SHISA9: variants seen among roughly 807,000 people sequenced by gnomAD.
SHISA9 encodes the protein shisa family member 9.
SHISA9 carries 13 observed loss-of-function variants against 38.0 expected under a neutral mutation model. The ratio of observed to expected loss-of-function variants is 0.34; its 90% CI spans 0.22 to 0.54. SHISA9 has a LOEUF of 0.54. SHISA9 is among the 20% of genes least tolerant of loss of function. SHISA9 has a pLI of 0.91. For missense variants in SHISA9, 538 were observed against 575.8 expected, an observed-to-expected ratio of 0.93 and a Z score of 0.67; for synonymous variants, 275 against 242.0, an observed-to-expected ratio of 1.14 and a Z score of -1.27.
At chr16:13,471,252 C>A in the SHISA9 span, among the ~76,000 whole-genome samples, 2 of 152,080 alleles carry the variant, frequency 1.3e-5, no homozygotes, top group African/African-American at 2.4e-5. Context: ...CCACAGCAGT[C>A]CTGAAATATG....
At chr16:13,493,424 G>T in the SHISA9 span, among the ~76,000 whole-genome samples, 3 of 152,182 alleles carry the variant, frequency 2.0e-5, no homozygotes, top group East Asian at 1.9e-4. Context: ...TTCCCGTGAA[G>T]AATTCACTCT....
At chr16:13,252,838 A>G in the SHISA9 span, among the ~76,000 whole-genome samples, 66 of 152,216 alleles carry the variant, frequency 4.3e-4, no homozygotes, top group Admixed American at 9.8e-4. Context: ...TATTTGTTGA[A>G]TGAATTAATG....
At chr16:12,905,785 G>A (rs913050569) in intron 1 of SHISA9, among the ~76,000 whole-genome samples, 2 of 151,996 alleles carry the variant, frequency 1.3e-5, no homozygotes, top group Non-Finnish European at 2.9e-5. Context: ...GTAGAGACAG[G>A]GTTCCACCTG....
chr16:13,248,447 G>GCATGC, the SHISA9 span, among the ~76,000 whole-genome samples: 1 of 152,162 alleles, frequency 6.6e-6, no homozygotes, highest in Non-Finnish European at 1.5e-5. Context: ...GAGAGGCACT[G>GCATGC]CATGCAGAGA....
chr16:13,252,023 A>G, the SHISA9 span, among the ~76,000 whole-genome samples: 4 of 152,234 alleles, frequency 2.6e-5, no homozygotes, highest in Non-Finnish European at 5.9e-5. Context: ...TGCATAGTAC[A>G]CAGCAAGTTC....
chr16:13,037,622 G>A (rs1019410628), intron 2 of SHISA9, among the ~76,000 whole-genome samples: 5 of 152,172 alleles, frequency 3.3e-5, no homozygotes, highest in African/African-American at 9.6e-5. Context: ...CCTTGCCTGC[G>A]AGTACCTCCT....
intron 2 of SHISA9, among the ~76,000 whole-genome samples, chr16:13,151,539 T>C (rs560213521): frequency 3.3e-5 from 5 of 152,304 alleles, no homozygotes; most frequent in African/African-American, 1.2e-4. Context: ...TCTGGATATA[T>C]CTTATCCACC....
intron 2 of SHISA9, among the ~76,000 whole-genome samples, chr16:12,993,679 G>A (rs76316671): frequency 6.6e-6 from 1 of 152,138 alleles, no homozygotes; most frequent in Non-Finnish European, 1.5e-5. Context: ...CACACATCAA[G>A]CTGATATTGT....
the SHISA9 span, among the ~76,000 whole-genome samples, chr16:13,288,214 A>G: frequency 6.6e-6 from 1 of 152,266 alleles, no homozygotes; most frequent in African/African-American, 2.4e-5. Context: ...AAATGGGACC[A>G]TGTTGGCTAT....
the SHISA9 span, among the ~76,000 whole-genome samples, chr16:13,532,019 A>T: frequency 2.6e-5 from 4 of 152,228 alleles, no homozygotes; most frequent in African/African-American, 4.8e-5. Flanking sequence ...ACTTGAATTT[A>T]AATCCCCTTT....
chr16:13,065,541 C>T (rs1172050068), intron 2 of SHISA9, among the ~76,000 whole-genome samples: 2 of 152,232 alleles, frequency 1.3e-5, no homozygotes, highest in Non-Finnish European at 2.9e-5. Flanking sequence ...ACTTTAGGCA[C>T]CATCAGGTGG....
intron 2 of SHISA9, among the ~76,000 whole-genome samples, chr16:13,011,085 A>G (rs2072666994): frequency 6.6e-6 from 1 of 152,184 alleles, no homozygotes; most frequent in Non-Finnish European, 1.5e-5. Context: ...AGTGAACCAG[A>G]GAGACTAAGA....
At chr16:13,223,562 A>G (rs1046338525) in intron 4 of SHISA9, among the ~76,000 whole-genome samples, 9 of 152,176 alleles carry the variant, frequency 5.9e-5, no homozygotes, top group Non-Finnish European at 1.2e-4. Context: ...GGGCTCTACC[A>G]TAGCTTTCAA....
At chr16:13,560,932 C>T in the SHISA9 span, among the ~76,000 whole-genome samples, 1 of 151,886 alleles carries the variant, frequency 6.6e-6, no homozygotes, top group Non-Finnish European at 1.5e-5. Flanking sequence ...GGCACAATCT[C>T]GGCTCACTGC....
downstream of SHISA9, among the ~76,000 whole-genome samples, chr16:13,243,060 GA>G (rs2051446576): frequency 6.6e-6 from 1 of 152,042 alleles, no homozygotes; most frequent in South Asian, 2.1e-4. Context: ...CCAACATGGT[GA>G]AACCCCATCT....
rs117234952 is a variant in SHISA9 at position 13,054,739 on chromosome 16, G to A, written c.691+137924G>A. On this transcript the variant is annotated intron_variant, in intron 2 of 4. Coordinates refer to ENST00000558583, the MANE Select transcript of SHISA9 (RefSeq NM_001145204.3). Reference sequence around the variant, plus strand: ...TAGAATAGAGAGAAATCTTTAACACGGGCTGCTTCTGGCCTCTCTCTGCAC... The same window carrying A: ...TAGAATAGAGAGAAATCTTTAACACAGGCTGCTTCTGGCCTCTCTCTGCAC... 7.1e-3 allele frequency among the ~76,000 whole-genome samples: 1,083 copies of A among 152,218 alleles called. 7 individuals are homozygous for A. Among genetic ancestry groups the A allele is most frequent in the Middle Eastern group, 0.014 (4 of 294 alleles).
At chr16:13,506,730 C>T in the SHISA9 span, among the ~76,000 whole-genome samples, 1 of 152,070 alleles carries the variant, frequency 6.6e-6, no homozygotes, top group Non-Finnish European at 1.5e-5. Context: ...CATATAGGAT[C>T]TGCACACCAT....
intron 2 of SHISA9, among the ~76,000 whole-genome samples, chr16:13,053,263 C>T (rs1423194428): frequency 6.6e-6 from 1 of 150,848 alleles, no homozygotes; most frequent in Non-Finnish European, 1.5e-5. Flanking sequence ...GCACGCAGCC[C>T]CCTTTCCTTT....
At chr16:12,965,283 G>T (rs1173269430) in intron 2 of SHISA9, among the ~76,000 whole-genome samples, 1 of 152,090 alleles carries the variant, frequency 6.6e-6, no homozygotes, top group Non-Finnish European at 1.5e-5. Context: ...AGCCTTTTAA[G>T]GTGTACAATT....
Sources: allele counts gnomAD v4.1 joint callset (sites outside exome capture counted in the v4.1 genomes callset), GRCh38; gene constraint gnomAD v4.1.1; transcripts MANE v1.5; gene names NCBI Gene and HGNC (gene_info 2026-07-23, HGNC 2026-07-21).